The following COL1A1 variants were observed in gnomAD, a reference collection of about 807,000 sequenced individuals.
COL1A1 encodes collagen alpha-1(I) chain.
Under a neutral mutation model 195.7 loss-of-function variants are expected in COL1A1, and 21 were observed. That is an observed-to-expected ratio of 0.11 (90% CI 0.08 to 0.15). The LOEUF (loss-of-function observed/expected upper bound fraction) is 0.15, where lower values mean the gene tolerates loss of function less well. Among genes scored for constraint, COL1A1 ranks in the 10% least tolerant of loss-of-function variants. The pLI is 1.00. For synonymous variants in COL1A1, 749 were observed against 747.3 expected (o/e 1.00, Z -0.04); for missense variants, 1,365 against 2,051.0 (o/e 0.67, Z 6.46).
chr17:50,198,641 C>G, intron 5 of COL1A1, 137 bp from the exon 6 acceptor site: 1 of 601,376 alleles, frequency 1.7e-6, no homozygotes, highest in South Asian at 1.6e-5. Context: ...TAAGACATTC[C>G]TGCAAAGATG....
rs184193874 is a variant in COL1A1, at chr17:50,192,288, A to G, written c.1983+187T>C. ...GCATATTCCAGCAGCTCTTAAAAGA[A>G]GTCACCCAGACTAGCAATCATGCAG... On this transcript the variant is annotated intron_variant, in intron 29 of 50. Coordinates refer to ENST00000225964, the MANE Select transcript of COL1A1 (RefSeq NM_000088.4). 13 of 756,868 alleles carry G rather than the reference A, an allele frequency of 1.7e-5. No homozygotes were observed. In the Admixed American group the frequency reaches 2.6e-4, roughly 15 times the overall value. 46.9% of individuals were successfully genotyped at this position (756,868 alleles called of 1,614,324 possible).
Position 50,201,496 on chromosome 17 carries a change from G to T in COL1A1, c.18C>A (p.Asp6Glu), listed in dbSNP as rs977701735. The T allele has an allele frequency of 6.2e-7, 1 of 1,612,112 alleles. No individual in the cohort carries two copies. The change falls in exon 1 of 51, where the codon GAC (aspartate) becomes GAA (glutamate). Residue 6 changes from aspartate to glutamate, a missense_variant. Asp to Glu is a conservative substitution (Grantham distance 45). This residue lies in a region of COL1A1 where 194 missense variants were observed against 221.7 expected (regional missense o/e 0.88). Transcript: ENST00000225964. ...CCGCTAAGAGGAGCAGGAGCCGGAG[G>T]TCCACAAAGCTGAACATGTCTAGAC... MFSFVDLRLLLLLAAT... is the reference protein window; with the variant it reads MFSFVELRLLLLLAAT...
In COL1A1 at chr17:50,190,295, T is replaced by A. The variant is rs41316679; in HGVS notation, c.2451+32A>T. ...CCTCGAGGTCCCAGGTCCCAGTCGG[T>A]GATGAAAAATGATGGGGGTCTTGGT... On this transcript the variant is annotated intron_variant, in intron 35 of 50. Transcript: ENST00000225964. This position sits in a 1 kb window ranked among gnomAD's most constrained non-coding sequence, Gnocchi z 4.7. The A allele has an allele frequency of 1.6e-3, 2,388 of 1,501,222 alleles. 6 individuals carry two copies. The highest frequency in any genetic ancestry group is 2.5e-3 in the South Asian group (224 of 88,240). The allele number at this position is 1,501,222 out of a possible 1,614,324, so 93.0% of individuals were successfully genotyped here.
Position 50,184,585 on chromosome 17 carries a change from T to TGCCCCC in COL1A1, c.*916_*917insGGGGGC. 1 of 225,290 alleles carries TGCCCCC rather than the reference T, an allele frequency of 4.4e-6. No homozygotes were observed. The highest frequency in any genetic ancestry group is 5.7e-5 in the Admixed American group (1 of 17,434). 14.0% of individuals were successfully genotyped at this position (225,290 alleles called of 1,614,324 possible). ...TCTCAATTTCTATAGCACCAGTGAT[T>TGCCCCC]CCCTCCCCACCCCACCCATCACATA... On this transcript the variant is annotated 3_prime_UTR_variant, in exon 51 of 51. Transcript: ENST00000225964.
Position 50,190,418 on chromosome 17 carries a change from C to A in COL1A1, c.2398-38G>T. 1 of 1,596,328 alleles carries A rather than the reference C, an allele frequency of 6.3e-7. No homozygotes were observed. Among genetic ancestry groups the A allele is most frequent in the Non-Finnish European group, 8.6e-7 (1 of 1,164,314 alleles). On this transcript the variant is annotated intron_variant, in intron 34 of 50. Coordinates refer to ENST00000225964, the MANE Select transcript of COL1A1 (RefSeq NM_000088.4). The surrounding 1 kb of genome is among the most constrained non-coding windows in gnomAD (Gnocchi z 4.7). ...GAGTCAGATTGGAGAGATGCGCTGA[C>A]AGGAGGGAAGGCGGGGATGCGGTGA...
Position 50,186,987 on chromosome 17 carries a change from T to C in COL1A1, c.3531+28A>G, listed in dbSNP as rs751162540. On this transcript the variant is annotated intron_variant, in intron 47 of 50. Coordinates refer to ENST00000225964, the MANE Select transcript of COL1A1 (RefSeq NM_000088.4). This position sits in a 1 kb window ranked among gnomAD's most constrained non-coding sequence, Gnocchi z 5.3. ...AAGTGCTTTGGGGGCTGGAGGGCCA[T>C]GAGCAGAGGGGATGAGGGGCTACAT... 5 of 1,610,928 alleles carry C rather than the reference T, an allele frequency of 3.1e-6. No homozygotes were observed. The highest frequency in any genetic ancestry group is 1.7e-5 in the Admixed American group (1 of 59,592).
rs756823986 is a variant in COL1A1 at position 50,194,554 on chromosome 17, G to A, written c.1515+19C>T. On this transcript the variant is annotated intron_variant, in intron 22 of 50. Transcript: ENST00000225964. The surrounding 1 kb of genome is among the most constrained non-coding windows in gnomAD (Gnocchi z 6.8). The stretch of plus-strand genomic sequence containing the variant: ...CAGGGAGCGGCAGGGTCAGCCCCCC[G>A]GCCGCAAGGAGAGGTTACCTTGGGA... 4.4e-6 allele frequency: 7 copies of A among 1,599,714 alleles called. No homozygotes were observed. The highest frequency in any genetic ancestry group is 2.2e-5 in the South Asian group (2 of 89,896).
At position 50,199,238 on chromosome 17, in the gene COL1A1, AGGGGGTCCGGGAGGTCCGGGGGGTCCG is replaced by A. The variant is rs2144590892; in HGVS notation, c.432_458del (p.Pro146_Gly154del). On this transcript the variant is annotated inframe_deletion, in exon 5 of 51. Transcript: ENST00000225964. ...CCTCTCCACTTACTCCTCCGAGGCC[AGGGGGTCCGGGAGGTCCGGGGGGTCCG>A]GGGGGTCCGGGAAGTCCAGGCTGTC... 6.8e-7 allele frequency: 1 copy of A among 1,463,736 alleles called. No homozygotes were observed. The highest frequency in any genetic ancestry group is 2.5e-5 in the East Asian group (1 of 40,008). The allele number at this position is 1,463,736 out of a possible 1,614,324, so 90.7% of individuals were successfully genotyped here. A position where few individuals can be genotyped will look rare whatever the true frequency, so the allele number is the denominator to read the frequency against.
rs777060894 is a variant in COL1A1 at position 50,195,598 on chromosome 17, G to A, written c.1124C>T (p.Pro375Leu). Residue 375 changes from proline to leucine, a missense_variant, in exon 17 of 51, where the codon CCC becomes CTC. Physicochemically the swap from Pro to Leu is moderately conservative, Grantham distance 98. Transcript: ENST00000225964. This position sits in a 1 kb window ranked among gnomAD's most constrained non-coding sequence, Gnocchi z 4.3. ...GPQGVRGEPG[P>L]PGPAGAAGPA... The stretch of plus-strand genomic sequence containing the variant: ...GCCAGCAGCACCAGCAGGGCCAGGG[G>A]GGCCAGGCTCACCACGCACACCCTG... The A allele has an allele frequency of 2.5e-6, 4 of 1,614,014 alleles. No individual in the cohort carries two copies. Among genetic ancestry groups the A allele is most frequent in the South Asian group, 1.1e-5 (1 of 91,076 alleles).
In COL1A1 at chr17:50,185,574, A is replaced by G. The variant is rs748650672; in HGVS notation, c.4323T>C (p.Asp1441=). Residue 1441 remains aspartate (D), a synonymous_variant, in exon 51 of 51, where the codon GAT becomes GAC. Coordinates refer to ENST00000225964, the MANE Select transcript of COL1A1 (RefSeq NM_000088.4). ...TTKTSRLPII[D]VAPLDVGAPD... ...GGGCACCAACGTCCAAGGGGGCCAC[A>G]TCGATGATGGGCAGGCGGGAGGTCT... is the stretch of plus-strand genomic sequence containing the variant. The G allele has an allele frequency of 6.2e-7, 1 of 1,613,382 alleles. No individual in the cohort carries two copies. Among genetic ancestry groups the G allele is most frequent in the African/African-American group, 1.3e-5 (1 of 74,702 alleles).
rs1476085843 is a variant in COL1A1, at chr17:50,187,003, G to A, written c.3531+12C>T. The A allele has an allele frequency of 1.9e-6, 3 of 1,612,650 alleles. No individual in the cohort carries two copies. Among genetic ancestry groups the A allele is most frequent in the African/African-American group, 1.3e-5 (1 of 75,004 alleles). ...GGAGGGCCATGAGCAGAGGGGATGA[G>A]GGGCTACATACAACAGGACCAGCAT... On this transcript the variant is annotated intron_variant, in intron 47 of 50. Coordinates refer to ENST00000225964, the MANE Select transcript of COL1A1 (RefSeq NM_000088.4).
At position 50,194,261 on chromosome 17, in the gene COL1A1, C is replaced by G; in HGVS notation, c.1615-78G>C. ...GGGGGAGGACTCCAGAGGGCAGACC[C>G]TTGGGCCTGATCCAGAACGCCTCAT... On this transcript the variant is annotated intron_variant, in intron 23 of 50. Coordinates refer to ENST00000225964, the MANE Select transcript of COL1A1 (RefSeq NM_000088.4). The surrounding 1 kb of genome is among the most constrained non-coding windows in gnomAD (Gnocchi z 6.8). 1.3e-6 allele frequency: 2 copies of G among 1,597,622 alleles called. No homozygotes were observed. Among genetic ancestry groups the G allele is most frequent in the Non-Finnish European group, 8.6e-7 (1 of 1,166,148 alleles).
rs1200321132 is a variant in COL1A1, at chr17:50,197,943, G to A, written c.642+6C>T. On this transcript the variant is annotated splice_donor_region_variant and intron_variant, in intron 8 of 50. Transcript: ENST00000225964. ...AGGAGTATGAATCTGTATAGAGAGTGCTTACTGAAGCTCCAGGCTCGCCAG... is the reference window on the plus strand; with the variant it reads ...AGGAGTATGAATCTGTATAGAGAGTACTTACTGAAGCTCCAGGCTCGCCAG... 1.2e-6 allele frequency: 2 copies of A among 1,613,806 alleles called. No homozygotes were observed. The highest frequency in any genetic ancestry group is 1.7e-5 in the Admixed American group (1 of 60,004).
In COL1A1 at chr17:50,192,867, A is replaced by G. The variant is rs1406159983; in HGVS notation, c.1822-17T>C. The G allele has an allele frequency of 1.2e-6, 2 of 1,613,680 alleles. No homozygotes were observed. Among genetic ancestry groups the G allele is most frequent in the African/African-American group, 2.7e-5 (2 of 74,810 alleles). The stretch of plus-strand genomic sequence containing the variant: ...AGCAGGACCCTGCAGGGAGAGAGCA[A>G]AGGGGAACTCAGGGTTAGGAGGCCC... On this transcript the variant is annotated splice_polypyrimidine_tract_variant and intron_variant, in intron 26 of 50. Transcript: ENST00000225964.
chr17:50,190,396 T>C lies in COL1A1; in HGVS notation c.2398-16A>G. On this transcript the variant is annotated splice_polypyrimidine_tract_variant and intron_variant, in intron 34 of 50. Coordinates refer to ENST00000225964, the MANE Select transcript of COL1A1 (RefSeq NM_000088.4). The surrounding 1 kb of genome is among the most constrained non-coding windows in gnomAD (Gnocchi z 4.7). ...CACGGTCTCCCTAGAAGAAAAGGAG[T>C]CAGATTGGAGAGATGCGCTGACAGG... 6.2e-7 allele frequency: 1 copy of C among 1,603,824 alleles called. No individual in the cohort carries two copies. The highest frequency in any genetic ancestry group is 8.5e-7 in the Non-Finnish European group (1 of 1,175,996).
Position 50,194,245 on chromosome 17 carries a change from C to T in COL1A1, c.1615-62G>A. On this transcript the variant is annotated intron_variant, in intron 23 of 50. Coordinates refer to ENST00000225964, the MANE Select transcript of COL1A1 (RefSeq NM_000088.4). The surrounding 1 kb of genome is among the most constrained non-coding windows in gnomAD (Gnocchi z 6.8). Reference sequence around the variant, plus strand: ...GAAGCATGATGGAGGTGGGGGAGGACTCCAGAGGGCAGACCCTTGGGCCTG... The same window carrying T: ...GAAGCATGATGGAGGTGGGGGAGGATTCCAGAGGGCAGACCCTTGGGCCTG... 6.3e-7 allele frequency: 1 copy of T among 1,594,506 alleles called. No homozygotes were observed. Among genetic ancestry groups the T allele is most frequent in the Non-Finnish European group, 8.6e-7 (1 of 1,163,412 alleles).
At position 50,189,809 on chromosome 17, in the gene COL1A1, G is replaced by A. The variant is rs377698671; in HGVS notation, c.2613+50C>T. The A allele has an allele frequency of 6.2e-6, 10 of 1,611,546 alleles. No homozygotes were observed. Among genetic ancestry groups the A allele is most frequent in the Middle Eastern group, 1.7e-4 (1 of 6,054 alleles). ...GACCCAGCTGCCCTCACCTGCCACC[G>A]CTGCCTGGGGAGAGGGGAGAGGCTC... On this transcript the variant is annotated intron_variant, in intron 37 of 50. Transcript: ENST00000225964. This position sits in a 1 kb window ranked among gnomAD's most constrained non-coding sequence, Gnocchi z 5.5.
chr17:50,192,605 T>C, intron 28 of COL1A1, 35 bp downstream of exon 28: 1 of 1,614,080 alleles, frequency 6.2e-7, no homozygotes, highest in African/African-American at 1.3e-5. Flanking sequence ...TTCCTACCCC[T>C]ACCTCCCAGC....
chr17:50,201,344 G>T, intron 1 of COL1A1, 67 bp downstream of exon 1: 17 of 1,441,408 alleles, frequency 1.2e-5, no homozygotes, highest in Non-Finnish European at 1.6e-5. Flanking sequence ...TTTAAGCCGC[G>T]GCCCCCGGGA....
Sources: gnomAD v4.1 joint callset for allele counts on GRCh38, gnomAD v4.1.1 for gene constraint, gnomAD v4.1.1 regional missense constraint, Gnocchi (gnomAD v3.1) non-coding constraint, MANE v1.5 for transcripts, NCBI Gene and HGNC (gene_info 2026-07-23, HGNC 2026-07-21) for gene names.